Variants in ARHGEF10L observed in about 807,000 individuals in gnomAD.
The protein encoded by ARHGEF10L is Rho guanine nucleotide exchange factor 10 like, also known as rho guanine nucleotide exchange factor 10-like protein.
In ARHGEF10L, 69 loss-of-function variants were observed where a neutral mutation model predicts 141.2. The observed-to-expected ratio is 0.49, with a 90% CI of 0.40 to 0.60. The LOEUF (loss-of-function observed/expected upper bound fraction) is 0.60, where lower values mean the gene tolerates loss of function less well. Among genes scored for constraint, ARHGEF10L ranks in the 20% least tolerant of loss-of-function variants. The pLI is 0.00. For missense variants in ARHGEF10L, 1,482 were observed against 1,734.3 expected, an observed-to-expected ratio of 0.85 and a Z score of 2.58; for synonymous variants, 711 against 718.5, an observed-to-expected ratio of 0.99 and a Z score of 0.17.
chr1:17,687,831 C>T (rs1464593177), intron 27 of ARHGEF10L, 84 bp downstream of exon 27: 1 of 1,399,248 alleles, frequency 7.1e-7, no homozygotes, highest in Non-Finnish European at 9.5e-7. Flanking sequence ...GGCAGCCCAT[C>T]CCATTTTCCC....
intron 22 of ARHGEF10L, among the ~76,000 whole-genome samples, 163 bp downstream of exon 22, chr1:17,648,838 C>G (rs2061744850): frequency 6.6e-6 from 1 of 152,228 alleles, no homozygotes; most frequent in African/African-American, 2.4e-5. Flanking sequence ...CTTTTTGTTG[C>G]TTCGGGAATC....
chr1:17,636,857 CG>C (rs948046396), intron 18 of ARHGEF10L, among the ~76,000 whole-genome samples: 3 of 152,254 alleles, frequency 2.0e-5, no homozygotes, highest in African/African-American at 7.2e-5. Context: ...TGCAAAACCA[CG>C]GCCTAGAGAA....
chr1:17,578,439 C>A (rs1311363255), intron 1 of ARHGEF10L, among the ~76,000 whole-genome samples: 4 of 152,226 alleles, frequency 2.6e-5, no homozygotes, highest in African/African-American at 9.7e-5. Flanking sequence ...GATCCCAGCA[C>A]TTGTTGAGGT....
At chr1:17,622,670 C>G (rs1021334907) in intron 11 of ARHGEF10L, among the ~76,000 whole-genome samples, 2 of 152,160 alleles carry the variant, frequency 1.3e-5, no homozygotes, top group South Asian at 4.1e-4. Flanking sequence ...CTTGTAGTGA[C>G]CTTACCGCTC....
intron 27 of ARHGEF10L, chr1:17,694,689 C>G (rs2065357299): frequency 2.9e-6 from 1 of 343,610 alleles, no homozygotes; most frequent in African/African-American, 2.2e-5. Context: ...ACCTCGATGC[C>G]TCTCGAGCCC....
intron 20 of ARHGEF10L, 78 bp downstream of exon 20, chr1:17,638,767 C>A: frequency 6.3e-7 from 1 of 1,580,364 alleles, no homozygotes; most frequent in Non-Finnish European, 8.6e-7. Context: ...GGAGAGGGTA[C>A]CTGGAGCCCT....
At chr1:17,641,980 TAAAAAAAAA>T (rs1330966008) in intron 21 of ARHGEF10L, among the ~76,000 whole-genome samples, 7 of 138,672 alleles carry the variant, frequency 5.0e-5, no homozygotes, top group African/African-American at 1.9e-4. Context: ...GACTCCGTCT[TAAAAAAAAA>T]GAAAAAAAAA....
rs200652314 is a variant in ARHGEF10L, at chr1:17,562,415, TCAAA to T, written c.-43-18125_-43-18122del. On this transcript the variant is annotated intron_variant, in intron 1 of 28. Coordinates refer to ENST00000361221, the MANE Select transcript of ARHGEF10L (RefSeq NM_018125.4). ...CTGTGCAACAGAGTGAGACCTTGTC[TCAAA>T]CAAACAAACAAAAAGAGTGGGGAGT... Among the ~76,000 whole-genome samples, 1,059 of 151,964 alleles carry T rather than the reference TCAAA, an allele frequency of 7.0e-3. 13 individuals are homozygous for T. Among genetic ancestry groups the T allele is most frequent in the African/African-American group, 0.024 (1,014 of 41,454 alleles).
At chr1:17,651,696 A>G (rs1167937981) in intron 22 of ARHGEF10L, among the ~76,000 whole-genome samples, 2 of 152,128 alleles carry the variant, frequency 1.3e-5, no homozygotes, top group Non-Finnish European at 1.5e-5. Flanking sequence ...GCCCAGGAAT[A>G]TGTAGGCCAG....
chr1:17,516,370 A>G, the ARHGEF10L span, among the ~76,000 whole-genome samples: 1 of 152,178 alleles, frequency 6.6e-6, no homozygotes, highest in African/African-American at 2.4e-5. Context: ...GGGTGGGGTG[A>G]AGAGGGGCAA....
At chr1:17,598,102 CTTT>C (rs553934561) in intron 4 of ARHGEF10L, among the ~76,000 whole-genome samples, 13 of 139,032 alleles carry the variant, frequency 9.4e-5, no homozygotes, top group African/African-American at 1.8e-4. Flanking sequence ...ACAAGAGAAA[CTTT>C]TTTTTTTTTT....
Position 17,627,258 on chromosome 1 carries a change from G to A in ARHGEF10L, c.1411-72G>A, listed in dbSNP as rs932212268. 2 of 1,566,208 alleles carry A rather than the reference G, an allele frequency of 1.3e-6. No homozygotes were observed. The highest frequency in any genetic ancestry group is 2.7e-5 in the African/African-American group (2 of 74,184). On this transcript the variant is annotated intron_variant, in intron 14 of 28. Coordinates refer to ENST00000361221, the MANE Select transcript of ARHGEF10L (RefSeq NM_018125.4). The surrounding 1 kb of genome is among the most constrained non-coding windows in gnomAD (Gnocchi z 4.0). ...CAGTGTGTGTAGGGGGTTGCGCAGG[G>A]TGAGGCTTTGCCCCAGGCTGGGGTA...
chr1:17,586,925 T>C (rs1205129914), intron 2 of ARHGEF10L, among the ~76,000 whole-genome samples: 1 of 152,168 alleles, frequency 6.6e-6, no homozygotes, highest in African/African-American at 2.4e-5. Flanking sequence ...TGCCTTCCCC[T>C]GCCCCAGCCA....
At chr1:17,601,004 C>T (rs1282054308) in intron 4 of ARHGEF10L, among the ~76,000 whole-genome samples, 7 of 147,540 alleles carry the variant, frequency 4.7e-5, no homozygotes, top group South Asian at 2.2e-4. Flanking sequence ...GAGCCGAGAT[C>T]GCACCACCGC....
chr1:17,665,282 G>A (rs1271640007), intron 26 of ARHGEF10L, among the ~76,000 whole-genome samples: 1 of 152,216 alleles, frequency 6.6e-6, no homozygotes, highest in East Asian at 1.9e-4. Context: ...CCCTCATGAG[G>A]GGCAGTCTTC....
intron 5 of ARHGEF10L, among the ~76,000 whole-genome samples, chr1:17,602,428 A>G (rs1049643707): frequency 6.6e-6 from 1 of 152,184 alleles, no homozygotes; most frequent in Admixed American, 6.5e-5. Flanking sequence ...TGCTCCTCAA[A>G]TACTTACGAA....
At chr1:17,528,461 C>T in the ARHGEF10L span, among the ~76,000 whole-genome samples, 1 of 152,130 alleles carries the variant, frequency 6.6e-6, no homozygotes, top group Admixed American at 6.6e-5. Context: ...AAGTGATCCT[C>T]CCACCTCGAC....
At chr1:17,535,804 A>G (rs2076567528), upstream of ARHGEF10L, among the ~76,000 whole-genome samples, 1 of 152,134 alleles carries the variant, frequency 6.6e-6, no homozygotes, top group Non-Finnish European at 1.5e-5. Flanking sequence ...ATTGAAACCC[A>G]TCCACTCATC....
intron 26 of ARHGEF10L, among the ~76,000 whole-genome samples, chr1:17,669,944 C>A (rs1196501938): frequency 6.6e-6 from 1 of 152,176 alleles, no homozygotes; most frequent in Admixed American, 6.5e-5. Context: ...CCAGAGGAGG[C>A]GAGAGGGGTG....
Sources: allele counts gnomAD v4.1 joint callset (sites outside exome capture counted in the v4.1 genomes callset), GRCh38; gene constraint gnomAD v4.1.1; non-coding constraint Gnocchi (gnomAD v3.1); transcripts MANE v1.5; gene names NCBI Gene and HGNC (gene_info 2026-07-23, HGNC 2026-07-21).